DRGX: variants seen among roughly 807,000 people sequenced by gnomAD.
DRGX encodes dorsal root ganglia homeobox, also known as dorsal root ganglia homeobox protein.
DRGX carries 21 observed loss-of-function variants against 28.6 expected under a neutral mutation model. The ratio of observed to expected loss-of-function variants is 0.73; its 90% CI spans 0.52 to 1.06. The LOEUF (loss-of-function observed/expected upper bound fraction) is 1.06, where lower values mean the gene tolerates loss of function less well. DRGX is among the 50% of genes least tolerant of loss of function. The pLI, the probability that DRGX is intolerant of heterozygous loss-of-function variation, is 0.00. For synonymous variants in DRGX, 136 were observed against 139.1 expected (o/e 0.98, Z 0.16); for missense variants, 354 against 343.9 (o/e 1.03, Z -0.23).
chr10:49,376,607 G>A (rs565667507), intron 6 of DRGX, among the ~76,000 whole-genome samples: 5 of 152,298 alleles, frequency 3.3e-5, no homozygotes, highest in East Asian at 1.9e-4. Flanking sequence ...CAACAATTAC[G>A]AGAACTTAGG....
Position 49,386,717 on chromosome 10 carries a change from C to T in DRGX, c.376G>A (p.Ala126Thr). ...NINSPPPGDQARSKKEALEAQ... is the reference protein window; with the variant it reads ...NINSPPPGDQTRSKKEALEAQ... ...TCCAGCGCCTCCTTCTTACTCCGGG[C>T]TTGGTCCCCAGGGGGCGGGGAGTTG... The change falls in exon 5 of 7, where the codon GCC (alanine) becomes ACC (threonine). Residue 126 changes from alanine to threonine, a missense_variant. Transcript: ENST00000374139. 1.3e-6 allele frequency: 2 copies of T among 1,595,758 alleles called. No individual in the cohort carries two copies. The highest frequency in any genetic ancestry group is 1.3e-5 in the African/African-American group (1 of 74,368).
At chr10:49,370,541 G>T (rs988860511) in intron 6 of DRGX, among the ~76,000 whole-genome samples, 2 of 152,204 alleles carry the variant, frequency 1.3e-5, no homozygotes, top group East Asian at 1.9e-4. Flanking sequence ...GCACAAACAC[G>T]GTAACAGCCA....
intron 4 of DRGX, among the ~76,000 whole-genome samples, chr10:49,388,538 T>G (rs1448277614): frequency 1.3e-5 from 2 of 152,276 alleles, no homozygotes; most frequent in East Asian, 3.8e-4. Context: ...TTTATCTATA[T>G]TCTAAATTTA....
At chr10:49,375,298 A>C (rs1849704940) in intron 6 of DRGX, among the ~76,000 whole-genome samples, 1 of 152,196 alleles carries the variant, frequency 6.6e-6, no homozygotes, top group African/African-American at 2.4e-5. Context: ...CACAGCCCTG[A>C]TTGCAGAACA....
intron 6 of DRGX, among the ~76,000 whole-genome samples, chr10:49,370,821 T>TG (rs1255754788): frequency 1.3e-5 from 2 of 152,226 alleles, no homozygotes; most frequent in Non-Finnish European, 2.9e-5. Context: ...AAAGGAGACA[T>TG]GGCTCAGCAA....
intron 6 of DRGX, among the ~76,000 whole-genome samples, chr10:49,378,882 T>C (rs1324984432): frequency 6.6e-6 from 1 of 151,398 alleles, no homozygotes; most frequent in East Asian, 1.9e-4. Flanking sequence ...TGCATGTGTG[T>C]ATATATATGC....
At chr10:49,391,819 A>G (rs1218267558) in intron 2 of DRGX, 1 of 520,510 alleles carries the variant, frequency 1.9e-6, no homozygotes, top group South Asian at 1.5e-5. Context: ...AGAAGTTTAT[A>G]AATGAATATT....
At chr10:49,379,470 T>G (rs1233472087) in intron 6 of DRGX, among the ~76,000 whole-genome samples, 1 of 152,178 alleles carries the variant, frequency 6.6e-6, no homozygotes, top group Non-Finnish European at 1.5e-5. Context: ...AAAACATCGT[T>G]AAAGAAGAAG....
chr10:49,369,068 C>T (rs937573687), intron 6 of DRGX, among the ~76,000 whole-genome samples: 2 of 152,202 alleles, frequency 1.3e-5, no homozygotes, highest in Non-Finnish European at 2.9e-5. Context: ...GAGTTCAATG[C>T]TCTGTAACTC....
intron 6 of DRGX, among the ~76,000 whole-genome samples, chr10:49,373,262 A>G (rs1286280617): frequency 6.6e-6 from 1 of 152,226 alleles, no homozygotes; most frequent in Non-Finnish European, 1.5e-5. Flanking sequence ...TACAACTACG[A>G]CAAATTATAT....
chr10:49,387,010 C>G (rs180867048), intron 4 of DRGX, among the ~76,000 whole-genome samples, 152 bp from the exon 5 acceptor site: 37 of 152,306 alleles, frequency 2.4e-4, no homozygotes, highest in African/African-American at 8.9e-4. Flanking sequence ...ACAGAGGGGT[C>G]AGAAGATCCG....
intron 6 of DRGX, among the ~76,000 whole-genome samples, chr10:49,380,051 G>A (rs1428255369): frequency 6.6e-5 from 10 of 152,336 alleles, no homozygotes; most frequent in South Asian, 2.1e-4. Context: ...AGGGAACCAC[G>A]CTGGGGTTGA....
Position 49,380,386 on chromosome 10 carries a change from G to A in DRGX, c.526+6092C>T, listed in dbSNP as rs560282214. Among the ~76,000 whole-genome samples, 130 of 152,226 alleles carry A rather than the reference G, an allele frequency of 8.5e-4. 1 individual carries two copies. The highest frequency in any genetic ancestry group is 2.9e-3 in the African/African-American group (122 of 41,534). On this transcript the variant is annotated intron_variant, in intron 6 of 6. Transcript: ENST00000374139. Reference sequence around the variant, plus strand: ...GCACTTCTCCGGAACAAACCCAAGCGCCTCCCTGGCCATTAATAACCTCCT... The same window carrying A: ...GCACTTCTCCGGAACAAACCCAAGCACCTCCCTGGCCATTAATAACCTCCT...
At chr10:49,395,642 G>A (rs1223279205) in intron 1 of DRGX, 121 bp from the exon 2 acceptor site, 2 of 637,970 alleles carry the variant, frequency 3.1e-6, no homozygotes, top group African/African-American at 1.8e-5. Flanking sequence ...TCTCACTGCG[G>A]GGGACAGGAG....
intron 6 of DRGX, among the ~76,000 whole-genome samples, chr10:49,374,064 T>C (rs1216050729): frequency 6.6e-6 from 1 of 152,200 alleles, no homozygotes; most frequent in Non-Finnish European, 1.5e-5. Flanking sequence ...GTGTTGAGGC[T>C]ATGAATTTTT....
At position 49,386,506 on chromosome 10, in the gene DRGX, C is replaced by G; in HGVS notation, c.498G>C (p.Gln166His). The G allele has an allele frequency of 6.3e-7, 1 of 1,584,668 alleles. No individual in the cohort carries two copies. Among genetic ancestry groups the G allele is most frequent in the Non-Finnish European group, 8.6e-7 (1 of 1,165,584 alleles). The change falls in exon 6 of 7, where the codon CAG becomes CAC. Residue 166 changes from glutamine to histidine, a missense_variant. Physicochemically the swap from Gln to His is conservative, Grantham distance 24. Transcript: ENST00000374139. ...GTLLNTATYA[Q>H]ALSHVASLKG... ...TGAGGGAAGCCACATGGGACAAGGC[C>G]TGGGCGTAGGTGGCCGTGTTCAGGA...
intron 6 of DRGX, among the ~76,000 whole-genome samples, chr10:49,376,359 T>TC (rs1849716885): frequency 6.6e-6 from 1 of 152,106 alleles, no homozygotes; most frequent in Admixed American, 6.5e-5. Flanking sequence ...AGTCCTCTGC[T>TC]CCCCAAATAC....
At chr10:49,377,805 T>A (rs1849731731) in intron 6 of DRGX, among the ~76,000 whole-genome samples, 1 of 152,152 alleles carries the variant, frequency 6.6e-6, no homozygotes, top group Admixed American at 6.5e-5. Context: ...CAGCCAGCCC[T>A]CAGAATGATG....
chr10:49,379,885 CT>C (rs1018955273), intron 6 of DRGX, among the ~76,000 whole-genome samples: 1 of 152,258 alleles, frequency 6.6e-6, no homozygotes, highest in Non-Finnish European at 1.5e-5. Context: ...TGGGGCCAGA[CT>C]CCAGCCTATC....
Sources: gnomAD v4.1 joint callset for allele counts (sites outside exome capture counted in the v4.1 genomes callset) on GRCh38, gnomAD v4.1.1 for gene constraint, MANE v1.5 for transcripts, NCBI Gene and HGNC (gene_info 2026-07-23, HGNC 2026-07-21) for gene names.